CEACAM5: variants seen among roughly 807,000 people sequenced by gnomAD.
The protein encoded by CEACAM5 is CEA cell adhesion molecule 5, also known as cell adhesion molecule CEACAM5.
CEACAM5 carries 52 observed loss-of-function variants against 63.0 expected under a neutral mutation model. The observed-to-expected ratio is 0.83, with a 90% CI of 0.66 to 1.04. The LOEUF is 1.04. Among genes scored for constraint, CEACAM5 ranks in the 50% least tolerant of loss-of-function variants. The pLI is 0.00. For synonymous variants in CEACAM5, 357 were observed against 351.3 expected (o/e 1.02, Z -0.18); for missense variants, 790 against 864.8 (o/e 0.91, Z 1.08).
chr19:41,712,922 T>C (rs2072458882), intron 2 of CEACAM5, among the ~76,000 whole-genome samples: 1 of 152,230 alleles, frequency 6.6e-6, no homozygotes, highest in African/African-American at 2.4e-5. Context: ...ATTATAGTAC[T>C]ACAGATTGAG....
intron 1 of CEACAM5, 60 bp from the exon 2 acceptor site, chr19:41,709,620 C>T: frequency 1.3e-6 from 2 of 1,562,912 alleles, no homozygotes; most frequent in Non-Finnish European, 1.7e-6. Context: ...CCCAGGACCC[C>T]ATTTTTCCAC....
Position 41,709,916 on chromosome 19 carries a change from A to C in CEACAM5, c.301A>C (p.Ile101Leu). 6.2e-7 allele frequency: 1 copy of C among 1,614,126 alleles called. No homozygotes were observed. Among genetic ancestry groups the C allele is most frequent in the Non-Finnish European group, 8.5e-7 (1 of 1,180,018 alleles). ...GCCCGCATACAGTGGTCGAGAGATA[A>C]TATACCCCAATGCATCCCTGCTGAT... is the stretch of plus-strand genomic sequence containing the variant. ...PGPAYSGREIIYPNASLLIQN... is the reference protein window; with the variant it reads ...PGPAYSGREILYPNASLLIQN... The change falls in exon 2 of 10, where the codon ATA becomes CTA. Residue 101 changes from isoleucine to leucine, a missense_variant. By Grantham distance (5) the Ile-to-Leu change is conservative. Coordinates refer to ENST00000221992, the MANE Select transcript of CEACAM5 (RefSeq NM_004363.6).
intron 6 of CEACAM5, among the ~76,000 whole-genome samples, chr19:41,719,326 T>C (rs1254819801): frequency 6.6e-6 from 1 of 152,208 alleles, no homozygotes; most frequent in Non-Finnish European, 1.5e-5. Flanking sequence ...TCTGCTACCA[T>C]CATCACCATC....
At position 41,714,873 on chromosome 19, in the gene CEACAM5, G is replaced by A; in HGVS notation, c.425-98G>A. 4 of 1,577,994 alleles carry A rather than the reference G, an allele frequency of 2.5e-6. No individual in the cohort carries two copies. The South Asian group carries it at 4.7e-5, about 19-fold the overall frequency. On this transcript the variant is annotated intron_variant, in intron 2 of 9. Coordinates refer to ENST00000221992, the MANE Select transcript of CEACAM5 (RefSeq NM_004363.6). The stretch of plus-strand genomic sequence containing the variant: ...CCACCGTGGGTTTTTAAGGGCTCAG[G>A]TGGGCTGAGAGGTGGAAGGTGCCAA...
chr19:41,714,244 A>G (rs1300201904), intron 2 of CEACAM5, among the ~76,000 whole-genome samples: 4 of 152,140 alleles, frequency 2.6e-5, no homozygotes, highest in Non-Finnish European at 5.9e-5. Context: ...AAGAACATAC[A>G]TATGGTTCTG....
Position 41,717,627 on chromosome 19 carries a change from C to T in CEACAM5, c.1131C>T (p.Thr377=), listed in dbSNP as rs1555815284. Residue 377 remains threonine (T), a synonymous_variant, in exon 5 of 10, where the codon ACC becomes ACT. Transcript: ENST00000221992. ...PRLQLSNDNR[T]LTLLSVTRND... ...TGCAGCTGTCCAATGACAACAGGACCCTCACTCTACTCAGTGTCACAAGGA... is the reference window on the plus strand; with the variant it reads ...TGCAGCTGTCCAATGACAACAGGACTCTCACTCTACTCAGTGTCACAAGGA... The T allele has an allele frequency of 1.2e-6, 2 of 1,614,190 alleles. No homozygotes were observed. Among genetic ancestry groups the T allele is most frequent in the Admixed American group, 1.7e-5 (1 of 60,024 alleles).
At chr19:41,713,801 C>T (rs1232821931) in intron 2 of CEACAM5, among the ~76,000 whole-genome samples, 4 of 152,244 alleles carry the variant, frequency 2.6e-5, no homozygotes, top group African/African-American at 9.6e-5. Context: ...GCCAGATTTC[C>T]AGCAGTTCAT....
intron 8 of CEACAM5, among the ~76,000 whole-genome samples, chr19:41,723,667 C>T (rs781820627): frequency 1.6e-4 from 25 of 151,980 alleles, no homozygotes; most frequent in African/African-American, 4.1e-4. Flanking sequence ...TTTTAATTTT[C>T]GAGGCCCTGC....
Position 41,720,095 on chromosome 19 carries a change from A to T in CEACAM5, c.1658A>T (p.Asn553Ile). The T allele has an allele frequency of 6.2e-7, 1 of 1,614,244 alleles. No individual in the cohort carries two copies. Among genetic ancestry groups the T allele is most frequent in the Non-Finnish European group, 8.5e-7 (1 of 1,180,042 alleles). ...VSPRLQLSNG[N>I]RTLTLFNVTR... ...CCCAGGCTGCAGCTGTCCAATGGCA[A>T]CAGGACCCTCACTCTATTCAATGTC... is the stretch of plus-strand genomic sequence containing the variant. Residue 553 changes from asparagine to isoleucine, a missense_variant, in exon 7 of 10, where the codon AAC (asparagine) becomes ATC (isoleucine). Physicochemically the swap from Asn to Ile is moderately radical, Grantham distance 149. Coordinates refer to ENST00000221992, the MANE Select transcript of CEACAM5 (RefSeq NM_004363.6).
rs12978713 is a variant in CEACAM5 at position 41,729,356 on chromosome 19, A to G, written c.*209A>G. The G allele has an allele frequency of 0.74, 112,042 of 151,982 alleles. 42,656 individuals carry two copies. Among genetic ancestry groups the G allele is most frequent in the East Asian group, 0.93 (4,832 of 5,180 alleles). 9.4% of individuals were successfully genotyped at this position (151,982 alleles called of 1,614,324 possible). On this transcript the variant is annotated 3_prime_UTR_variant, in exon 10 of 10. Coordinates refer to ENST00000221992, the MANE Select transcript of CEACAM5 (RefSeq NM_004363.6). ...AAAAATGAGCTGGGCTTGGTGGCGC[A>G]CACCTGTAGTCCCAGTTACTCGGGA...
rs781976338 is a variant in CEACAM5, at chr19:41,715,242, T to A, written c.696T>A (p.Asn232Lys). The change falls in exon 3 of 10, where the codon AAT (asparagine) becomes AAA (lysine). Residue 232 changes from asparagine (N) to lysine (K), a missense_variant. By Grantham distance (94) the Asn-to-Lys change is moderately conservative (BLOSUM62 0). Transcript: ENST00000221992. ...SARRSDSVILNVLYGPDAPTI... is the reference protein window; with the variant it reads ...SARRSDSVILKVLYGPDAPTI... ...GGCGCAGTGATTCAGTCATCCTGAA[T>A]GTCCTCTGTGAGTATATCTGCTCCT... 8 of 1,614,126 alleles carry A rather than the reference T, an allele frequency of 5.0e-6. No individual in the cohort carries two copies. The African/African-American group carries it at 8.0e-5, about 16-fold the overall frequency.
intron 2 of CEACAM5, 67 bp downstream of exon 2, chr19:41,710,106 AGGCCT>A (rs782325867): frequency 2.2e-5 from 34 of 1,561,096 alleles, no homozygotes; most frequent in Non-Finnish European, 2.9e-5. Flanking sequence ...CAGGATTATC[AGGCCT>A]GGGCTGTGCC....
intron 1 of CEACAM5, 39 bp from the exon 2 acceptor site, chr19:41,709,641 A>C (rs909793301): frequency 6.3e-7 from 1 of 1,586,164 alleles, no homozygotes; most frequent in Non-Finnish European, 8.6e-7. Flanking sequence ...CCTAATGCAT[A>C]GGTCCCAATA....
chr19:41,725,121 G>C (rs940436139), intron 8 of CEACAM5, among the ~76,000 whole-genome samples: 1 of 152,026 alleles, frequency 6.6e-6, no homozygotes, highest in Non-Finnish European at 1.5e-5. Flanking sequence ...ATGCTGAGGT[G>C]GTTTCCTTCC....
At chr19:41,724,441 G>C (rs2072669912) in intron 8 of CEACAM5, among the ~76,000 whole-genome samples, 1 of 152,106 alleles carries the variant, frequency 6.6e-6, no homozygotes, top group African/African-American at 2.4e-5. Context: ...CAGGTTGTTT[G>C]GCTATTTAGA....
In CEACAM5 at chr19:41,715,592, C is replaced by T. The variant is rs374889414; in HGVS notation, c.704-58C>T. On this transcript the variant is annotated intron_variant, in intron 3 of 9. Transcript: ENST00000221992. ...GGGACACTGTGGTCCTTCCATAGAC[C>T]AGGAACTTCCACTTCCCTCTGACAA... 5.5e-4 allele frequency: 886 copies of T among 1,600,846 alleles called. 11 individuals carry two copies. In the South Asian group the frequency reaches 8.9e-3, roughly 16 times the overall value.
rs1555814751 is a variant in CEACAM5 at position 41,715,249 on chromosome 19, T to C, written c.703T>C (p.Tyr235His). The C allele has an allele frequency of 6.2e-7, 1 of 1,614,230 alleles. No individual in the cohort carries two copies. The highest frequency in any genetic ancestry group is 1.1e-5 in the South Asian group (1 of 91,086). ...TGATTCAGTCATCCTGAATGTCCTC[T>C]GTGAGTATATCTGCTCCTCTCTGGC... is the stretch of plus-strand genomic sequence containing the variant. Reference protein sequence around the residue: ...RSDSVILNVLYGPDAPTISPL... With the variant: ...RSDSVILNVLHGPDAPTISPL... The change falls in exon 3 of 10, where the codon TAT becomes CAT. Residue 235 changes from tyrosine (Y) to histidine (H), a missense_variant and splice_region_variant. Tyr to His is a moderately conservative substitution (Grantham distance 83, BLOSUM62 2). Transcript: ENST00000221992.
intron 2 of CEACAM5, among the ~76,000 whole-genome samples, chr19:41,711,781 C>T (rs1051641993): frequency 4.6e-5 from 7 of 152,174 alleles, no homozygotes; most frequent in African/African-American, 1.7e-4. Context: ...ATGCCCATCC[C>T]TGAACATCTT....
chr19:41,714,947 A>G (rs766157069), intron 2 of CEACAM5, 24 bp from the exon 3 acceptor site: 4 of 1,613,798 alleles, frequency 2.5e-6, no homozygotes, highest in Admixed American at 3.3e-5. Context: ...ACACAGGGCA[A>G]TCTTCTCTCT....
Sources: allele counts gnomAD v4.1 joint callset (sites outside exome capture counted in the v4.1 genomes callset), GRCh38; gene constraint gnomAD v4.1.1; transcripts MANE v1.5; gene names NCBI Gene and HGNC (gene_info 2026-07-23, HGNC 2026-07-21).